AGMO: variants seen among roughly 807,000 people sequenced by gnomAD.
The protein encoded by AGMO is alkylglycerol monooxygenase, also known as glyceryl-ether monooxygenase.
A neutral mutation model predicts 60.2 loss-of-function variants in AGMO; 75 were observed. The ratio of observed to expected loss-of-function variants is 1.25; its 90% CI spans 1.03 to 1.51. The LOEUF (loss-of-function observed/expected upper bound fraction) is 1.51. AGMO is among the 40% of genes most tolerant of loss of function. The probability of loss-of-function intolerance (pLI) is 0.00; values close to 1 mark genes in which losing one functional copy is unlikely to be tolerated. For synonymous variants in AGMO, 261 were observed against 177.1 expected, an observed-to-expected ratio of 1.47 and a Z score of -3.76; for missense variants, 763 against 525.5, an observed-to-expected ratio of 1.45 and a Z score of -4.42.
chr7:15,257,127 A>T (rs985240152), intron 12 of AGMO, among the ~76,000 whole-genome samples: 1 of 152,134 alleles, frequency 6.6e-6, no homozygotes, highest in African/African-American at 2.4e-5. Flanking sequence ...ATTTTACTTT[A>T]AAAAAAGTTT....
chr7:15,460,545 C>T (rs1237762076), intron 3 of AGMO, among the ~76,000 whole-genome samples: 1 of 151,900 alleles, frequency 6.6e-6, no homozygotes, highest in East Asian at 1.9e-4. Flanking sequence ...ATTATACTTG[C>T]TTTTCAGAAA....
intron 12 of AGMO, among the ~76,000 whole-genome samples, chr7:15,218,842 C>T (rs940631512): frequency 6.6e-6 from 1 of 151,990 alleles, no homozygotes; most frequent in South Asian, 2.1e-4. Context: ...AGGCCTGACT[C>T]TTTTTCAACA....
rs1554394029 is a variant in AGMO, at chr7:15,202,489, A to ACC, written c.1264-1132_1264-1131dup. Among the ~76,000 whole-genome samples, 1,117 of 132,088 alleles carry ACC rather than the reference A, an allele frequency of 8.5e-3. 32 individuals are homozygous for ACC. Among genetic ancestry groups the ACC allele is most frequent in the African/African-American group, 0.032 (1,084 of 34,122 alleles). 86.7% of individuals were successfully genotyped at this position (132,088 alleles called of 152,430 possible). A position where few individuals can be genotyped will look rare whatever the true frequency, so the allele number is the denominator to read the frequency against. ...AAAAAAAAAAAAAAAAAAAAAAAAA[A>ACC]CCCTCCCAAACAAGGATGTTTCCAT... On this transcript the variant is annotated intron_variant, in intron 12 of 12. Coordinates refer to ENST00000342526, the MANE Select transcript of AGMO (RefSeq NM_001004320.2).
chr7:15,372,732 A>G (rs573077661), intron 10 of AGMO, among the ~76,000 whole-genome samples: 4 of 152,332 alleles, frequency 2.6e-5, no homozygotes, highest in Admixed American at 6.5e-5. Flanking sequence ...TTAGTTTTTT[A>G]TAACAGGGAG....
chr7:15,301,006 C>G (rs1784547397), intron 12 of AGMO, among the ~76,000 whole-genome samples: 1 of 152,034 alleles, frequency 6.6e-6, no homozygotes, highest in Admixed American at 6.6e-5. Context: ...GAGGAACTTT[C>G]TACTGGAGAA....
At chr7:15,162,545 T>A in the AGMO span, among the ~76,000 whole-genome samples, 1 of 151,866 alleles carries the variant, frequency 6.6e-6, no homozygotes, top group African/African-American at 2.4e-5. Context: ...AGACAAATAA[T>A]TAGCTGGGTA....
At chr7:15,404,763 C>G (rs569639686) in intron 5 of AGMO, among the ~76,000 whole-genome samples, 287 of 151,942 alleles carry the variant, frequency 1.9e-3, no homozygotes, top group Non-Finnish European at 3.2e-3. Context: ...ATCATATTCC[C>G]AATTTCAGAT....
At chr7:15,344,208 T>G (rs990684268) in intron 12 of AGMO, among the ~76,000 whole-genome samples, 1 of 152,200 alleles carries the variant, frequency 6.6e-6, no homozygotes, top group African/African-American at 2.4e-5. Context: ...CAACAATATT[T>G]GTTGAATGAA....
chr7:15,474,928 C>A (rs1274234849), intron 3 of AGMO, among the ~76,000 whole-genome samples: 2 of 151,612 alleles, frequency 1.3e-5, no homozygotes, highest in African/African-American at 4.8e-5. Flanking sequence ...ATGTGGCCGA[C>A]AAACATGAAA....
chr7:15,423,796 T>C (rs1480179409), intron 4 of AGMO, among the ~76,000 whole-genome samples: 2 of 152,016 alleles, frequency 1.3e-5, no homozygotes, highest in African/African-American at 4.8e-5. Flanking sequence ...CCACCAGTAT[T>C]TAGGTGGGGG....
At chr7:15,359,423 A>T (rs761994651) in intron 12 of AGMO, among the ~76,000 whole-genome samples, 1 of 152,180 alleles carries the variant, frequency 6.6e-6, no homozygotes, top group African/African-American at 2.4e-5. Flanking sequence ...TACTGTAGTG[A>T]AAACATTTCA....
the AGMO span, among the ~76,000 whole-genome samples, chr7:15,179,162 C>T: frequency 5.7e-4 from 87 of 152,218 alleles, no homozygotes; most frequent in African/African-American, 2.0e-3. Context: ...CTATAAAACA[C>T]ATTCATCCAT....
intron 12 of AGMO, among the ~76,000 whole-genome samples, chr7:15,335,150 G>A (rs1157863773): frequency 6.6e-6 from 1 of 152,122 alleles, no homozygotes; most frequent in Non-Finnish European, 1.5e-5. Context: ...CTGGTTTCGT[G>A]TAAAATAAAT....
At chr7:15,493,197 G>T (rs1473752502) in intron 3 of AGMO, among the ~76,000 whole-genome samples, 1 of 151,758 alleles carries the variant, frequency 6.6e-6, no homozygotes, top group African/African-American at 2.4e-5. Flanking sequence ...CAAGGTACAA[G>T]GAACTCCCAT....
intron 12 of AGMO, among the ~76,000 whole-genome samples, chr7:15,361,962 G>A (rs1432795712): frequency 6.6e-6 from 1 of 152,116 alleles, no homozygotes; most frequent in Non-Finnish European, 1.5e-5. Flanking sequence ...TATATTATAG[G>A]AGAAAGGGGA....
At chr7:15,467,145 T>C (rs1782315786) in intron 3 of AGMO, among the ~76,000 whole-genome samples, 1 of 152,146 alleles carries the variant, frequency 6.6e-6, no homozygotes, top group South Asian at 2.1e-4. Context: ...TAATAGTCTC[T>C]GGGGATTTTA....
chr7:15,407,542 G>C lies in AGMO; in HGVS notation c.609+11016C>G, dbSNP rs900670378. On this transcript the variant is annotated intron_variant, in intron 5 of 12. Transcript: ENST00000342526. Reference sequence around the variant, plus strand: ...GAAAGGCATAATAAAATACATTTTAGATATGCTGATTCAGGGTAGTAGCAA... The same window carrying C: ...GAAAGGCATAATAAAATACATTTTACATATGCTGATTCAGGGTAGTAGCAA... 2.6e-5 allele frequency among the ~76,000 whole-genome samples: 4 copies of C among 151,536 alleles called. No individual in the cohort carries two copies. The South Asian group carries it at 8.3e-4, about 32-fold the overall frequency.
intron 12 of AGMO, among the ~76,000 whole-genome samples, chr7:15,337,196 C>T (rs1227808490): frequency 1.3e-5 from 2 of 152,162 alleles, no homozygotes; most frequent in Non-Finnish European, 2.9e-5. Context: ...TGGAGTCAAG[C>T]ATGACCACTC....
the AGMO span, among the ~76,000 whole-genome samples, chr7:15,180,381 T>C: frequency 1.3e-5 from 2 of 152,214 alleles, no homozygotes; most frequent in Non-Finnish European, 2.9e-5. Context: ...TCTAGAGTTC[T>C]GAATTTCATA....
Sources: allele counts gnomAD v4.1 joint callset (sites outside exome capture counted in the v4.1 genomes callset), GRCh38; gene constraint gnomAD v4.1.1; transcripts MANE v1.5; gene names NCBI Gene and HGNC (gene_info 2026-07-23, HGNC 2026-07-21).